MAP4: variants seen among roughly 807,000 people sequenced by gnomAD.
The protein encoded by MAP4 is microtubule-associated protein 4.
Under a neutral mutation model 170.2 loss-of-function variants are expected in MAP4, and 76 were observed. That is an observed-to-expected ratio of 0.45 (90% CI 0.37 to 0.54). The LOEUF is 0.54. Among genes scored for constraint, MAP4 ranks in the 20% least tolerant of loss-of-function variants. The pLI is 0.00. For missense variants in MAP4, 2,506 were observed against 2,748.0 expected (o/e 0.91, Z 1.97); for synonymous variants, 909 against 994.5 (o/e 0.91, Z 1.62).
chr3:48,055,437 C>G (rs1308326724), intron 1 of MAP4, among the ~76,000 whole-genome samples: 4 of 151,528 alleles, frequency 2.6e-5, no homozygotes, highest in Non-Finnish European at 5.9e-5. Context: ...AGCCCCTAAC[C>G]GCGAGTGATC....
At chr3:48,061,367 A>AT (rs934819341) in intron 1 of MAP4, among the ~76,000 whole-genome samples, 10 of 151,616 alleles carry the variant, frequency 6.6e-5, no homozygotes, top group Admixed American at 2.6e-4. Flanking sequence ...CGGTTTTCGT[A>AT]TTTTTTTGGT....
chr3:47,929,477 T>G (rs1473554322), intron 3 of MAP4, among the ~76,000 whole-genome samples: 1 of 151,944 alleles, frequency 6.6e-6, no homozygotes, highest in Non-Finnish European at 1.5e-5. Context: ...ACAAACATAA[T>G]ATAATTCAAC....
chr3:47,953,399 G>C (rs1337270168), intron 3 of MAP4, among the ~76,000 whole-genome samples: 1 of 152,098 alleles, frequency 6.6e-6, no homozygotes, highest in Non-Finnish European at 1.5e-5. Context: ...TCACATGCCT[G>C]TAATCCCAGC....
intron 3 of MAP4, among the ~76,000 whole-genome samples, chr3:47,976,369 G>A (rs544907219): frequency 6.6e-6 from 1 of 152,318 alleles, no homozygotes; most frequent in Admixed American, 6.5e-5. Context: ...GGTCAGGCAT[G>A]ACTTCCTACT....
Position 47,928,307 on chromosome 3 carries a change from T to C in MAP4, c.336A>G (p.Glu112=). Reference sequence around the variant, plus strand: ...CTGGCCAGTTCTGGCTATTTGGGTATTCCTGGTAGGCCATTTTCTCTTCAA... The same window carrying C: ...CTGGCCAGTTCTGGCTATTTGGGTACTCCTGGTAGGCCATTTTCTCTTCAA... ...EFLEEKMAYQ[E]YPNSQNWPED... Residue 112 remains glutamate, a synonymous_variant, in exon 4 of 21, where the codon GAA becomes GAG. Coordinates refer to ENST00000683076, the MANE Select transcript of MAP4 (RefSeq NM_001385682.1). 1 of 1,614,178 alleles carries C rather than the reference T, an allele frequency of 6.2e-7. No individual in the cohort carries two copies.
At chr3:47,854,123 A>G (rs1193686070) in intron 19 of MAP4, among the ~76,000 whole-genome samples, 6 of 152,236 alleles carry the variant, frequency 3.9e-5, no homozygotes, top group African/African-American at 1.4e-4. Flanking sequence ...ATTAAAAACA[A>G]TAATTCCAGA....
chr3:47,987,060 T>C (rs1342366971), intron 2 of MAP4, among the ~76,000 whole-genome samples: 1 of 152,214 alleles, frequency 6.6e-6, no homozygotes, highest in Non-Finnish European at 1.5e-5. Flanking sequence ...GGTTTCTCAG[T>C]ACCCCTGCGC....
chr3:47,925,734 T>TG (rs2100045470), intron 4 of MAP4, among the ~76,000 whole-genome samples: 1 of 152,046 alleles, frequency 6.6e-6, no homozygotes, highest in African/African-American at 2.4e-5. Flanking sequence ...GATAGGGAGA[T>TG]GGGGGTGATA....
At chr3:48,087,096 TTTTGAAGCTAAA>T (rs1189255206) in intron 1 of MAP4, among the ~76,000 whole-genome samples, 1 of 152,222 alleles carries the variant, frequency 6.6e-6, no homozygotes, top group East Asian at 1.9e-4. Context: ...AGCTTTATTA[TTTTGAAGCTAAA>T]TTTGAAAGGA....
intron 1 of MAP4, among the ~76,000 whole-genome samples, chr3:48,003,568 G>A (rs556692299): frequency 1.1e-4 from 17 of 151,350 alleles, no homozygotes; most frequent in South Asian, 4.2e-4. Context: ...TTGCATTCTC[G>A]AAATCTGCTT....
chr3:47,900,488 C>T (rs1332934341), intron 10 of MAP4, among the ~76,000 whole-genome samples: 2 of 152,120 alleles, frequency 1.3e-5, no homozygotes, highest in African/African-American at 4.8e-5. Flanking sequence ...GCCTGTAATC[C>T]CAGCACTTTG....
At position 47,998,811 on chromosome 3, in the gene MAP4, A is replaced by G. The variant is rs778516290; in HGVS notation, c.50T>C (p.Ile17Thr). The change falls in exon 2 of 21, where the codon ATT becomes ACT. Residue 17 changes from isoleucine (I) to threonine (T), a missense_variant. This residue lies in a region of MAP4 where 2,008 missense variants were observed against 2,206.0 expected (regional missense o/e 0.91). Coordinates refer to ENST00000683076, the MANE Select transcript of MAP4 (RefSeq NM_001385682.1). ...GAAGTCCCGCTTTATCTCTCCCTCA[A>G]TGTCTGGAGATGGTTCTGTTAATGC... ...ADALTEPSPD[I>T]EGEIKRDFIA... 8 of 1,614,094 alleles carry G rather than the reference A, an allele frequency of 5.0e-6. No homozygotes were observed. Among genetic ancestry groups the G allele is most frequent in the East Asian group, 2.2e-5 (1 of 44,888 alleles).
At chr3:47,975,563 AG>A (rs2100081568) in intron 3 of MAP4, 2 of 787,442 alleles carry the variant, frequency 2.5e-6, no homozygotes, top group Admixed American at 2.0e-5. Flanking sequence ...CAATATCACA[AG>A]ATGCTCATAA....
At chr3:47,964,365 T>G (rs2100073543) in intron 3 of MAP4, among the ~76,000 whole-genome samples, 1 of 152,124 alleles carries the variant, frequency 6.6e-6, no homozygotes, top group Non-Finnish European at 1.5e-5. Flanking sequence ...TCCAAATATC[T>G]TTTTCTGACA....
Position 47,911,309 on chromosome 3 carries a change from C to T in MAP4, c.3112G>A (p.Gly1038Ser). The T allele has an allele frequency of 6.5e-7, 1 of 1,536,098 alleles. No individual in the cohort carries two copies. Among genetic ancestry groups the T allele is most frequent in the Admixed American group, 2.0e-5 (1 of 50,986 alleles). The change falls in exon 9 of 21, where the codon GGC becomes AGC. Residue 1038 changes from glycine (G) to serine (S), a missense_variant. Transcript: ENST00000683076. This position sits in a 1 kb window ranked among gnomAD's most constrained non-coding sequence, Gnocchi z 4.0. ...ISIFTSEQLQ[G>S]QVLVQVPGVE... ...CCAGGGACCTGTACCAACACTTGGC[C>T]CTGCAGCTGCTCAGAAGTAAAGATG... is the stretch of plus-strand genomic sequence containing the variant.
At chr3:47,962,058 T>C (rs952198160) in intron 3 of MAP4, among the ~76,000 whole-genome samples, 1 of 152,188 alleles carries the variant, frequency 6.6e-6, no homozygotes, top group Non-Finnish European at 1.5e-5. Context: ...ACAAATGCCA[T>C]GGCAACAGCC....
chr3:48,045,174 C>T (rs1443771022), intron 1 of MAP4, among the ~76,000 whole-genome samples: 2 of 147,642 alleles, frequency 1.4e-5, no homozygotes, highest in Non-Finnish European at 3.0e-5. Context: ...AGGAGAATCG[C>T]TTGAACCCAG....
At chr3:48,043,851 T>G (rs1239040216) in intron 1 of MAP4, among the ~76,000 whole-genome samples, 1 of 152,154 alleles carries the variant, frequency 6.6e-6, no homozygotes, top group African/African-American at 2.4e-5. Flanking sequence ...TGTAATCTTT[T>G]TTTTTTTAAA....
chr3:47,886,911 CTT>C (rs2097686250), intron 10 of MAP4, among the ~76,000 whole-genome samples: 1 of 152,374 alleles, frequency 6.6e-6, no homozygotes, highest in Non-Finnish European at 1.5e-5. Flanking sequence ...GCTTTCAACT[CTT>C]TGTCTTCCAG....
Sources: gnomAD v4.1 joint callset for allele counts (sites outside exome capture counted in the v4.1 genomes callset) on GRCh38, gnomAD v4.1.1 for gene constraint, gnomAD v4.1.1 regional missense constraint, Gnocchi (gnomAD v3.1) non-coding constraint, MANE v1.5 for transcripts, NCBI Gene and HGNC (gene_info 2026-07-23, HGNC 2026-07-21) for gene names.